Variants in AKIRIN1 observed in about 807,000 individuals in gnomAD.
The protein encoded by AKIRIN1 is akirin-1.
A neutral mutation model predicts 25.9 loss-of-function variants in AKIRIN1; 4 were observed. That is an observed-to-expected ratio of 0.15 (90% CI 0.08 to 0.35). The LOEUF is 0.35. Among genes scored for constraint, AKIRIN1 ranks in the 10% least tolerant of loss-of-function variants. The pLI, the probability that AKIRIN1 is intolerant of heterozygous loss-of-function variation, is 1.00. For synonymous variants in AKIRIN1, 125 were observed against 105.1 expected (o/e 1.19, Z -1.16); for missense variants, 243 against 266.1 (o/e 0.91, Z 0.61).
intron 1 of AKIRIN1, among the ~76,000 whole-genome samples, chr1:38,991,910 C>G (rs1356710155): frequency 1.3e-5 from 2 of 152,064 alleles, no homozygotes; most frequent in East Asian, 3.9e-4. Context: ...GCCCCTCCTT[C>G]CTCCGCTGGC....
chr1:38,998,414 C>A, intron 2 of AKIRIN1, 103 bp downstream of exon 2: 2 of 1,246,022 alleles, frequency 1.6e-6, no homozygotes, highest in Non-Finnish European at 2.2e-6. Context: ...GAATTGCTAA[C>A]GGGGATGTAT....
intron 3 of AKIRIN1, among the ~76,000 whole-genome samples, 177 bp downstream of exon 3, chr1:39,001,283 CT>C (rs768516800): frequency 0.29 from 33,954 of 116,496 alleles, 4,646 homozygotes; most frequent in Non-Finnish European, 0.38. Flanking sequence ...TATGGAAGGA[CT>C]TTTTTTTTTT....
intron 1 of AKIRIN1, 28 bp from the exon 2 acceptor site, chr1:38,998,143 A>C: frequency 6.3e-7 from 1 of 1,593,756 alleles, no homozygotes; most frequent in Non-Finnish European, 8.6e-7. Flanking sequence ...AATAAAGTGA[A>C]AGCTCAAGTT....
At chr1:39,003,500 A>G in intron 4 of AKIRIN1, 82 bp downstream of exon 4, 1 of 1,342,558 alleles carries the variant, frequency 7.4e-7, no homozygotes, top group Non-Finnish European at 1.1e-6. Flanking sequence ...CTCAGAGTAA[A>G]AAGTCCCTGT....
chr1:39,004,869 A>G lies in AKIRIN1; in HGVS notation c.*814A>G, dbSNP rs931456665. 6.6e-6 allele frequency: 1 copy of G among 152,584 alleles called. No homozygotes were observed. The highest frequency in any genetic ancestry group is 1.5e-5 in the Non-Finnish European group (1 of 68,206). The allele number at this position is 152,584 out of a possible 1,614,324, so 9.5% of individuals were successfully genotyped here. On this transcript the variant is annotated 3_prime_UTR_variant, in exon 5 of 5. Transcript: ENST00000432648. ...AGAGCTCCCTGGACACTGAACCTCT[A>G]AAGGGAAAAGGTCTACCCTGGAGCC... is the stretch of plus-strand genomic sequence containing the variant.
rs1279356263 is a variant in AKIRIN1, at chr1:38,991,494, C to T, written c.114C>T (p.Leu38=). ...CTCTGCCCGGCCCCACTCCGGGCCT[C>T]AGGCCCCCGGACGCCGAGCCGCCGC... ...CAPLPGPTPG[L]RPPDAEPPPP... is the part of the protein sequence containing the mutation. The change falls in exon 1 of 5, where the codon CTC becomes CTT. Residue 38 remains leucine (L), a synonymous_variant. Transcript: ENST00000432648. 1.4e-6 allele frequency: 2 copies of T among 1,449,368 alleles called. No individual in the cohort carries two copies. Among genetic ancestry groups the T allele is most frequent in the Non-Finnish European group, 9.0e-7 (1 of 1,105,892 alleles). The allele number at this position is 1,449,368 out of a possible 1,614,324, so 89.8% of individuals were successfully genotyped here.
At chr1:38,992,421 A>G (rs1643913345) in intron 1 of AKIRIN1, among the ~76,000 whole-genome samples, 1 of 152,154 alleles carries the variant, frequency 6.6e-6, no homozygotes, top group Non-Finnish European at 1.5e-5. Flanking sequence ...ACTTCCGGAA[A>G]TGAGGGGGGC....
chr1:38,993,829 G>GGGAGGC (rs1643926914), intron 1 of AKIRIN1, among the ~76,000 whole-genome samples: 1 of 152,034 alleles, frequency 6.6e-6, no homozygotes, highest in East Asian at 1.9e-4. Flanking sequence ...CCAGCACTTT[G>GGGAGGC]GGAGGCGGAG....
intron 1 of AKIRIN1, 114 bp from the exon 2 acceptor site, chr1:38,998,057 C>T (rs2148067238): frequency 8.4e-7 from 1 of 1,193,170 alleles, no homozygotes; most frequent in Non-Finnish European, 1.1e-6. Context: ...ACCTACATGC[C>T]AAAGGGAGTA....
At position 39,004,950 on chromosome 1, in the gene AKIRIN1, G is replaced by C. The variant is rs1173802428; in HGVS notation, c.*895G>C. 2 of 152,300 alleles carry C rather than the reference G, an allele frequency of 1.3e-5. No individual in the cohort carries two copies. Among genetic ancestry groups the C allele is most frequent in the Admixed American group, 1.3e-4 (2 of 15,276 alleles). The allele number at this position is 152,300 out of a possible 1,614,324, so 9.4% of individuals were successfully genotyped here. On this transcript the variant is annotated 3_prime_UTR_variant, in exon 5 of 5. Coordinates refer to ENST00000432648, the MANE Select transcript of AKIRIN1 (RefSeq NM_024595.3). ...GAGGTGAGCCCAGGGCTAGGCCTGG[G>C]CCAGGCCCCGGCAGCACTGCTACTT...
intron 2 of AKIRIN1, 76 bp downstream of exon 2, chr1:38,998,387 C>T (rs1643963575): frequency 6.9e-7 from 1 of 1,447,798 alleles, no homozygotes; most frequent in Admixed American, 2.3e-5. Flanking sequence ...CTAGAATTGG[C>T]CTCCTCTAAT....
intron 2 of AKIRIN1, among the ~76,000 whole-genome samples, chr1:38,998,972 G>T (rs907812643): frequency 2.0e-5 from 3 of 152,140 alleles, no homozygotes; most frequent in Non-Finnish European, 4.4e-5. Context: ...TGTACATGCA[G>T]TTACGAGATA....
In AKIRIN1 at chr1:38,991,311, G is replaced by C. The variant is rs938581245; in HGVS notation, c.-70G>C. 2.4e-6 allele frequency: 3 copies of C among 1,265,848 alleles called. No homozygotes were observed. The highest frequency in any genetic ancestry group is 1.6e-5 in the African/African-American group (1 of 63,786). The allele number at this position is 1,265,848 out of a possible 1,614,324, so 78.4% of individuals were successfully genotyped here. A position where few individuals can be genotyped will look rare whatever the true frequency, so the allele number is the denominator to read the frequency against. On this transcript the variant is annotated 5_prime_UTR_variant, in exon 1 of 5. Coordinates refer to ENST00000432648, the MANE Select transcript of AKIRIN1 (RefSeq NM_024595.3). Reference sequence around the variant, plus strand: ...CCATTGGAGCCGGCTTGGCTGGCGAGCCCGGCTGAGGAGCCTCTTGGGCCG... The same window carrying C: ...CCATTGGAGCCGGCTTGGCTGGCGACCCCGGCTGAGGAGCCTCTTGGGCCG...
Position 38,991,341 on chromosome 1 carries a change from T to G in AKIRIN1, c.-40T>G. 3.8e-6 allele frequency: 5 copies of G among 1,331,238 alleles called. No homozygotes were observed. In the South Asian group the frequency reaches 9.4e-5, roughly 25 times the overall value. The allele number at this position is 1,331,238 out of a possible 1,614,324, so 82.5% of individuals were successfully genotyped here. On this transcript the variant is annotated 5_prime_UTR_variant, in exon 1 of 5. Transcript: ENST00000432648. ...GCTGAGGAGCCTCTTGGGCCGCACT[T>G]ACCGCCGCGTCCGCTCCCGGTCCCT...
rs796968755 is a variant in AKIRIN1 at position 39,000,713 on chromosome 1, G to A, written c.362-259G>A. 1.3e-4 allele frequency among the ~76,000 whole-genome samples: 19 copies of A among 151,546 alleles called. 1 individual carries two copies. Among genetic ancestry groups the A allele is most frequent in the African/African-American group, 4.6e-4 (19 of 41,270 alleles). On this transcript the variant is annotated intron_variant, in intron 2 of 4. Coordinates refer to ENST00000432648, the MANE Select transcript of AKIRIN1 (RefSeq NM_024595.3). ...CTCTTGTTGCCCAGGCTGGAGTGCAGTGGCACAATCTTGACTCACTGCAAC... is the reference window on the plus strand; with the variant it reads ...CTCTTGTTGCCCAGGCTGGAGTGCAATGGCACAATCTTGACTCACTGCAAC...
At position 38,998,317 on chromosome 1, in the gene AKIRIN1, C is replaced by T; in HGVS notation, c.361+6C>T. 6.3e-7 allele frequency: 1 copy of T among 1,592,714 alleles called. No individual in the cohort carries two copies. Among genetic ancestry groups the T allele is most frequent in the Admixed American group, 1.8e-5 (1 of 55,750 alleles). On this transcript the variant is annotated splice_donor_region_variant and intron_variant, in intron 2 of 4. Coordinates refer to ENST00000432648, the MANE Select transcript of AKIRIN1 (RefSeq NM_024595.3). ...CACAGCACCTAGCTCTCCAGGTAAG[C>T]CCACTTTGATCTGCAAAATTCGCAT... is the stretch of plus-strand genomic sequence containing the variant.
In AKIRIN1 at chr1:38,991,595, C is replaced by G. The variant is rs1475818485; in HGVS notation, c.215C>G (p.Thr72Ser). ...APPGSERRLP[T>S]PEQIFQNIKQ... ...CCCGGCAGCGAGCGGCGCCTTCCAA[C>G]TCCGGGTAACCTGCCCTGCTCTGGG... The change falls in exon 1 of 5, where the codon ACT becomes AGT. Residue 72 changes from threonine to serine, a missense_variant. This residue lies in a region of AKIRIN1 where 190 missense variants were observed against 174.4 expected (regional missense o/e 1.09). Coordinates refer to ENST00000432648, the MANE Select transcript of AKIRIN1 (RefSeq NM_024595.3). 3.0e-6 allele frequency: 4 copies of G among 1,327,488 alleles called. No homozygotes were observed. The African/African-American group carries it at 6.2e-5, about 20-fold the overall frequency. The allele number at this position is 1,327,488 out of a possible 1,614,324, so 82.2% of individuals were successfully genotyped here.
intron 4 of AKIRIN1, 90 bp downstream of exon 4, chr1:39,003,508 T>G: frequency 7.9e-7 from 1 of 1,264,354 alleles, no homozygotes; most frequent in Non-Finnish European, 1.1e-6. Flanking sequence ...AAAAAGTCCC[T>G]GTGAAGTAAA....
At chr1:38,995,582 AAT>A (rs1266000730) in intron 1 of AKIRIN1, among the ~76,000 whole-genome samples, 1 of 152,194 alleles carries the variant, frequency 6.6e-6, no homozygotes, top group Non-Finnish European at 1.5e-5. Context: ...CCACCCTCAA[AAT>A]TGTATCTTTC....
Sources: gnomAD v4.1 joint callset for allele counts (sites outside exome capture counted in the v4.1 genomes callset) on GRCh38, gnomAD v4.1.1 for gene constraint, gnomAD v4.1.1 regional missense constraint, MANE v1.5 for transcripts, NCBI Gene and HGNC (gene_info 2026-07-23, HGNC 2026-07-21) for gene names.